BCL11A: variants seen among roughly 807,000 people sequenced by gnomAD.
BCL11A encodes the protein BCL11 transcription factor A.
BCL11A carries 2 observed loss-of-function variants against 55.9 expected under a neutral mutation model. That is an observed-to-expected ratio of 0.04 (90% confidence interval 0.01 to 0.11). The LOEUF is 0.11. BCL11A is among the 10% of genes least tolerant of loss of function. BCL11A has a pLI of 1.00. For missense variants in BCL11A, 817 were observed against 1,137.1 expected (o/e 0.72, Z 4.05); for synonymous variants, 465 against 473.4 (o/e 0.98, Z 0.23).
intron 2 of BCL11A, among the ~76,000 whole-genome samples, chr2:60,518,182 A>C (rs1316314986): frequency 6.6e-6 from 1 of 152,222 alleles, no homozygotes; most frequent in Non-Finnish European, 1.5e-5. Context: ...TATCTTTTCA[A>C]AGAAAATATA....
rs61749494 is a variant in BCL11A at position 60,462,306 on chromosome 2, T to C, written c.606A>G (p.Glu202=). The C allele has an allele frequency of 7.7e-3, 12,456 of 1,614,084 alleles. 709 individuals are homozygous for C. The Admixed American group carries it at 0.11, about 14-fold the overall frequency. ...THGLRIYLES[E]HGSPLTPRVG... is the part of the protein sequence containing the mutation. ...CCCGCGGGGTCAGGGGACTTCCGTG[T>C]TCGCTTTCTAAGTAGATTCTTAATC... Residue 202 remains glutamate, a synonymous_variant, in exon 4 of 4, where the codon GAA becomes GAG. Transcript: ENST00000642384.
intron 2 of BCL11A, among the ~76,000 whole-genome samples, chr2:60,511,146 C>T (rs534443624): frequency 2.0e-5 from 3 of 152,312 alleles, no homozygotes; most frequent in African/African-American, 4.8e-5. Flanking sequence ...GCTGCCTCCA[C>T]GGCATTACTC....
chr2:60,534,864 T>C (rs191792798), intron 2 of BCL11A: 2 of 152,386 alleles, frequency 1.3e-5, no homozygotes, highest in East Asian at 3.9e-4. Context: ...AAAGTCATCA[T>C]GTAAATTAAA....
chr2:60,524,741 GA>G (rs1669136239), intron 2 of BCL11A: 1 of 152,154 alleles, frequency 6.6e-6, no homozygotes, highest in African/African-American at 2.4e-5. Flanking sequence ...GATAATAAAA[GA>G]AAGTTTTAGA....
At chr2:60,485,295 G>C (rs1380658926) in intron 2 of BCL11A, among the ~76,000 whole-genome samples, 1 of 152,220 alleles carries the variant, frequency 6.6e-6, no homozygotes, top group Non-Finnish European at 1.5e-5. Context: ...ACGGCACAGT[G>C]ACCAGGTAGG....
chr2:60,507,232 A>AAGGAAGGG (rs1679653997), intron 2 of BCL11A, among the ~76,000 whole-genome samples: 1 of 53,002 alleles, frequency 1.9e-5, no homozygotes, highest in Non-Finnish European at 3.4e-5. Flanking sequence ...GGAAGGAAGG[A>AAGGAAGGG]AGGGAGGGAG....
At chr2:60,512,195 G>A (rs1680025096) in intron 2 of BCL11A, among the ~76,000 whole-genome samples, 1 of 152,174 alleles carries the variant, frequency 6.6e-6, no homozygotes, top group African/African-American at 2.4e-5. Flanking sequence ...GAGGAAGCCT[G>A]CTTTCCTCAG....
intron 2 of BCL11A, chr2:60,526,252 A>G (rs1198248913): frequency 6.6e-6 from 1 of 152,206 alleles, no homozygotes; most frequent in African/African-American, 2.4e-5. Context: ...TTGGTTGGCT[A>G]TATTTTGCTC....
intron 2 of BCL11A, among the ~76,000 whole-genome samples, chr2:60,511,233 G>A (rs918269892): frequency 6.6e-6 from 1 of 152,212 alleles, no homozygotes; most frequent in Admixed American, 6.5e-5. Context: ...GGAGGCCATG[G>A]CAAAGGGACA....
At chr2:60,516,526 G>A (rs943837659) in intron 2 of BCL11A, among the ~76,000 whole-genome samples, 5 of 152,240 alleles carry the variant, frequency 3.3e-5, no homozygotes, top group Non-Finnish European at 5.9e-5. Flanking sequence ...CACCTTAGGA[G>A]ACAAGATCGT....
At position 60,460,292 on chromosome 2, in the gene BCL11A, A is replaced by G; in HGVS notation, c.*112T>C. 6.8e-7 allele frequency: 1 copy of G among 1,481,126 alleles called. No homozygotes were observed. Among genetic ancestry groups the G allele is most frequent in the South Asian group, 1.5e-5 (1 of 68,352 alleles). 91.7% of individuals were successfully genotyped at this position (1,481,126 alleles called of 1,614,324 possible). A position where few individuals can be genotyped will look rare whatever the true frequency, so the allele number is the denominator to read the frequency against. ...GTTTGTTTGTTTGTTTGTTTAAATC[A>G]CATGGGACTAGAAAAAAATCCTACA... On this transcript the variant is annotated 3_prime_UTR_variant, in exon 4 of 4. Coordinates refer to ENST00000642384, the MANE Select transcript of BCL11A (RefSeq NM_022893.4).
In BCL11A at chr2:60,462,069, G is replaced by A. The variant is rs763815769; in HGVS notation, c.843C>T (p.Arg281=). ...RHHLDPHRIE[R]LGAEEMALAT... ...CCAGGGCCATCTCTTCCGCCCCCAG[G>A]CGCTCTATGCGGTGGGGGTCCAAGT... Residue 281 remains arginine, a synonymous_variant, in exon 4 of 4, where the codon CGC becomes CGT. Transcript: ENST00000642384. 6.3e-7 allele frequency: 1 copy of A among 1,586,506 alleles called. No individual in the cohort carries two copies. The highest frequency in any genetic ancestry group is 8.6e-7 in the Non-Finnish European group (1 of 1,166,640).
chr2:60,522,956 A>G (rs1558475531), intron 2 of BCL11A: 1 of 152,228 alleles, frequency 6.6e-6, no homozygotes, highest in Non-Finnish European at 1.5e-5. Context: ...GAGGTCTACA[A>G]TAAAACCTAT....
chr2:60,491,405 G>A (rs113636744), intron 2 of BCL11A, among the ~76,000 whole-genome samples: 162 of 152,270 alleles, frequency 1.1e-3, no homozygotes, highest in African/African-American at 3.8e-3. Flanking sequence ...AGGCGCTGTG[G>A]CTCACACCTG....
At chr2:60,481,208 G>A (rs767127323) in intron 2 of BCL11A, among the ~76,000 whole-genome samples, 2 of 152,042 alleles carry the variant, frequency 1.3e-5, no homozygotes, top group Admixed American at 6.5e-5. Flanking sequence ...GAAGGGCCCT[G>A]GAATGGGATA....
chr2:60,525,651 T>G (rs554350072), intron 2 of BCL11A: 2 of 152,260 alleles, frequency 1.3e-5, no homozygotes, highest in South Asian at 4.1e-4. Context: ...ACTATCTATT[T>G]TACCTACTTT....
rs972050570 is a variant in BCL11A, at chr2:60,551,075, C to A, written c.55+2141G>T. 7.6e-6 allele frequency: 3 copies of A among 395,726 alleles called. No individual in the cohort carries two copies. In the Admixed American group the frequency reaches 1.3e-4, roughly 17 times the overall value. The allele number at this position is 395,726 out of a possible 1,614,324, so 24.5% of individuals were successfully genotyped here. On this transcript the variant is annotated intron_variant, in intron 1 of 3. Coordinates refer to ENST00000642384, the MANE Select transcript of BCL11A (RefSeq NM_022893.4). ...TGAAAAATTAAATTCCCTGTGCGCA[C>A]CCCCCACCACCACCCCTTTAAAAAA... is the stretch of plus-strand genomic sequence containing the variant.
At position 60,461,807 on chromosome 2, in the gene BCL11A, G is replaced by A. The variant is rs1307922238; in HGVS notation, c.1105C>T (p.Pro369Ser). The change falls in exon 4 of 4, where the codon CCC (proline) becomes TCC (serine). Residue 369 changes from proline to serine, a missense_variant. Physicochemically the swap from Pro to Ser is moderately conservative, Grantham distance 74. Transcript: ENST00000642384. The stretch of plus-strand genomic sequence containing the variant: ...TTGGACTTGACCGGGGGCTGGGAGG[G>A]AGGAGGGGCGGATTGCAGAGGAGGG... ...PLPPLQSAPP[P>S]SQPPVKSKSC... 1 of 1,612,494 alleles carries A rather than the reference G, an allele frequency of 6.2e-7. No individual in the cohort carries two copies. The highest frequency in any genetic ancestry group is 1.1e-5 in the South Asian group (1 of 91,044).
At position 60,461,226 on chromosome 2, in the gene BCL11A, G is replaced by C; in HGVS notation, c.1686C>G (p.Phe562Leu). 1 of 1,611,186 alleles carries C rather than the reference G, an allele frequency of 6.2e-7. No individual in the cohort carries two copies. The highest frequency in any genetic ancestry group is 2.2e-5 in the East Asian group (1 of 44,850). Residue 562 changes from phenylalanine to leucine, a missense_variant, in exon 4 of 4, where the codon TTC (phenylalanine) becomes TTG (leucine). Physicochemically the swap from Phe to Leu is conservative, Grantham distance 22 (BLOSUM62 0). Around this residue, in one of 4 missense-constraint regions of BCL11A, gnomAD observed 379 missense variants for 425.3 expected, o/e 0.89. Transcript: ENST00000642384. ...LSSMQHFSEA[F>L]HQVLGEKHKR... ...TATGCTTCTCGCCCAGGACCTGGTG[G>C]AAGGCCTCGCTGAAGTGCTGCATGG... is the stretch of plus-strand genomic sequence containing the variant.
Sources: allele counts gnomAD v4.1 joint callset (sites outside exome capture counted in the v4.1 genomes callset), GRCh38; gene constraint gnomAD v4.1.1; regional missense constraint gnomAD v4.1.1; transcripts MANE v1.5; gene names NCBI Gene and HGNC (gene_info 2026-07-23, HGNC 2026-07-21).